The following RARB variants were observed in gnomAD, a reference collection of about 807,000 sequenced individuals.
The protein encoded by RARB is HBV-activated protein.
RARB carries 17 observed loss-of-function variants against 51.9 expected under a neutral mutation model. That is an observed-to-expected ratio of 0.33 (90% CI 0.22 to 0.49). The LOEUF is 0.49. RARB is among the 20% of genes least tolerant of loss of function. The pLI is 0.99. For missense variants in RARB, 369 were observed against 550.8 expected, an observed-to-expected ratio of 0.67 and a Z score of 3.30; for synonymous variants, 215 against 195.4, an observed-to-expected ratio of 1.10 and a Z score of -0.84.
At chr3:24,909,766 G>A (rs753893663) in intron 2 of RARB, among the ~76,000 whole-genome samples, 2 of 152,124 alleles carry the variant, frequency 1.3e-5, no homozygotes, top group Non-Finnish European at 2.9e-5. Flanking sequence ...TATGTAACCT[G>A]AGTGGTCTAC....
At chr3:25,398,426 G>A (rs561044947) in intron 5 of RARB, among the ~76,000 whole-genome samples, 31 of 152,174 alleles carry the variant, frequency 2.0e-4, no homozygotes, top group African/African-American at 6.0e-4. Context: ...AAAGATAGAC[G>A]GTATCACTAA....
intron 3 of RARB, among the ~76,000 whole-genome samples, chr3:25,528,855 CT>C (rs1247224205): frequency 1.6e-5 from 2 of 125,304 alleles, no homozygotes; most frequent in African/African-American, 3.0e-5. Context: ...GAAGACTCGC[CT>C]CCCTAGGAAC....
chr3:25,283,805 A>G (rs1703582260), intron 5 of RARB, among the ~76,000 whole-genome samples: 1 of 152,196 alleles, frequency 6.6e-6, no homozygotes, highest in Admixed American at 6.5e-5. Context: ...GATTACAGAC[A>G]TGTCGCTAAG....
At chr3:25,094,716 C>CAAAAAAAA (rs57477720) in intron 3 of RARB, among the ~76,000 whole-genome samples, 9 of 43,082 alleles carry the variant, frequency 2.1e-4, no homozygotes, top group African/African-American at 3.7e-4. Flanking sequence ...GACCCCATCT[C>CAAAAAAAA]AAAAAAAAAA....
chr3:24,912,019 G>C (rs956266576), intron 2 of RARB, among the ~76,000 whole-genome samples: 3 of 152,194 alleles, frequency 2.0e-5, no homozygotes, highest in Non-Finnish European at 2.9e-5. Flanking sequence ...AAAAAAACAT[G>C]AGCATGGGAC....
chr3:25,355,785 C>G (rs1018301270), intron 5 of RARB, among the ~76,000 whole-genome samples: 20 of 152,040 alleles, frequency 1.3e-4, no homozygotes, highest in African/African-American at 4.3e-4. Flanking sequence ...ATCACAAGAT[C>G]CATTTTAGGC....
At chr3:25,088,894 A>G (rs1446447361) in intron 3 of RARB, among the ~76,000 whole-genome samples, 1 of 152,086 alleles carries the variant, frequency 6.6e-6, no homozygotes, top group Non-Finnish European at 1.5e-5. Context: ...ATAATGAAAA[A>G]AGAAGGAAAA....
chr3:25,144,908 C>T (rs1298429676), intron 4 of RARB, among the ~76,000 whole-genome samples: 3 of 152,154 alleles, frequency 2.0e-5, no homozygotes, highest in African/African-American at 7.2e-5. Context: ...TTTAATTTAC[C>T]TTGTCTAATT....
At chr3:24,884,608 T>C (rs1016721921) in intron 2 of RARB, among the ~76,000 whole-genome samples, 1 of 152,180 alleles carries the variant, frequency 6.6e-6, no homozygotes, top group African/African-American at 2.4e-5. Flanking sequence ...TCATTACCAA[T>C]TGCATTGTTT....
intron 3 of RARB, among the ~76,000 whole-genome samples, chr3:25,513,517 C>T (rs957423477): frequency 6.6e-6 from 1 of 152,108 alleles, no homozygotes; most frequent in African/African-American, 2.4e-5. Context: ...TCCCATTCTG[C>T]CTCCTCTCCC....
chr3:25,037,472 A>G (rs1479486351), intron 2 of RARB, among the ~76,000 whole-genome samples: 1 of 152,066 alleles, frequency 6.6e-6, no homozygotes, highest in Non-Finnish European at 1.5e-5. Flanking sequence ...AACCTCAGAC[A>G]CCAGGAAGCT....
At position 25,376,985 on chromosome 3, in the gene RARB, C is replaced by T. The variant is rs140671831; in HGVS notation, c.179-84208C>T. ...CTCATTTCATAATAAATGACAAATGCTTTGTTTTTCTTCTTTCAATGTATT... is the reference window on the plus strand; with the variant it reads ...CTCATTTCATAATAAATGACAAATGTTTTGTTTTTCTTCTTTCAATGTATT... On this transcript the variant is annotated intron_variant, in intron 5 of 11. Transcript: ENST00000383772. Among the ~76,000 whole-genome samples the T allele has an allele frequency of 1.4e-3, 208 of 152,110 alleles. 1 individual carries two copies. The highest frequency in any genetic ancestry group is 2.5e-3 in the Admixed American group (38 of 15,256).
intron 5 of RARB, among the ~76,000 whole-genome samples, chr3:25,590,223 T>C (rs1701562577): frequency 6.6e-6 from 1 of 152,252 alleles, no homozygotes. Flanking sequence ...AAATACATTC[T>C]AACTTTTGAG....
intron 2 of RARB, among the ~76,000 whole-genome samples, chr3:25,475,484 C>T (rs1335710943): frequency 1.3e-5 from 2 of 151,988 alleles, no homozygotes; most frequent in African/African-American, 4.8e-5. Flanking sequence ...ATTTTAGTAA[C>T]TTATTTTAAA....
intron 5 of RARB, among the ~76,000 whole-genome samples, chr3:25,186,649 G>A (rs2125360666): frequency 6.6e-6 from 1 of 152,074 alleles, no homozygotes; most frequent in South Asian, 2.1e-4. Context: ...GATAATGAAT[G>A]GAAATGAATG....
intron 5 of RARB, among the ~76,000 whole-genome samples, chr3:25,220,227 C>G (rs1701918266): frequency 6.6e-6 from 1 of 152,136 alleles, no homozygotes; most frequent in South Asian, 2.1e-4. Flanking sequence ...TATGGTTCAG[C>G]AGACAACAAG....
chr3:25,175,311 G>C (rs1189671809), intron 5 of RARB, among the ~76,000 whole-genome samples: 1 of 152,138 alleles, frequency 6.6e-6, no homozygotes, highest in African/African-American at 2.4e-5. Context: ...CAACTTACTT[G>C]GTTTAGCATC....
intron 4 of RARB, among the ~76,000 whole-genome samples, chr3:25,155,735 G>T (rs1700363414): frequency 6.6e-6 from 1 of 152,152 alleles, no homozygotes; most frequent in African/African-American, 2.4e-5. Flanking sequence ...CCACATGACT[G>T]TTGATGGCTG....
At chr3:24,905,587 A>ATT (rs1694844829) in intron 2 of RARB, among the ~76,000 whole-genome samples, 1 of 152,204 alleles carries the variant, frequency 6.6e-6, no homozygotes, top group Admixed American at 6.5e-5. Flanking sequence ...CCTGATTTAA[A>ATT]AAAGGAAAAG....
Sources: gnomAD v4.1 joint callset for allele counts (sites outside exome capture counted in the v4.1 genomes callset) on GRCh38, gnomAD v4.1.1 for gene constraint, MANE v1.5 for transcripts, NCBI Gene and HGNC (gene_info 2026-07-23, HGNC 2026-07-21) for gene names.